Variants in KIF26B observed in about 807,000 individuals in gnomAD.
KIF26B encodes the protein kinesin family member 26B, also known as kinesin-like protein KIF26B.
In KIF26B, 63 loss-of-function variants were observed where a neutral mutation model predicts 151.2. That is an observed-to-expected ratio of 0.42 (90% CI 0.34 to 0.51). The LOEUF is 0.51. Ranked by LOEUF, KIF26B falls within the 20% of genes least tolerant of loss-of-function variation. KIF26B has a pLI of 0.07. For synonymous variants in KIF26B, 1,357 were observed against 1,262.1 expected, an observed-to-expected ratio of 1.08 and a Z score of -1.59; for missense variants, 2,813 against 2,913.6, an observed-to-expected ratio of 0.97 and a Z score of 0.79.
At position 245,239,237 on chromosome 1, in the gene KIF26B, T is replaced by C. The variant is rs1166801926; in HGVS notation, c.465+82554T>C. The stretch of plus-strand genomic sequence containing the variant: ...CATGTTCTTCCGTCATCCGTGCAGA[T>C]ATCAGGCTGCAGTCCCGCAGAAAAT... On this transcript the variant is annotated intron_variant, in intron 2 of 14. Transcript: ENST00000407071. This position sits in a 1 kb window ranked among gnomAD's most constrained non-coding sequence, Gnocchi z 4.3. Among the ~76,000 whole-genome samples, 1 of 152,156 alleles carries C rather than the reference T, an allele frequency of 6.6e-6. No individual in the cohort carries two copies. The highest frequency in any genetic ancestry group is 1.5e-5 in the Non-Finnish European group (1 of 68,034).
intron 3 of KIF26B, among the ~76,000 whole-genome samples, chr1:245,386,172 C>T (rs188320499): frequency 2.0e-5 from 3 of 151,924 alleles, no homozygotes; most frequent in South Asian, 2.1e-4. Flanking sequence ...ACCTGGGAGG[C>T]GAAGGTTGCA....
chr1:245,663,760 G>A (rs148803519), intron 10 of KIF26B, among the ~76,000 whole-genome samples: 292 of 152,168 alleles, frequency 1.9e-3, no homozygotes, highest in African/African-American at 6.7e-3. Context: ...ACCAGGGTTC[G>A]CAATTCTCAG....
At chr1:245,570,779 A>G (rs917094612) in intron 5 of KIF26B, among the ~76,000 whole-genome samples, 3 of 152,240 alleles carry the variant, frequency 2.0e-5, no homozygotes, top group Non-Finnish European at 2.9e-5. Flanking sequence ...ATCATTAAAC[A>G]TAAGGTCGCA....
At chr1:245,233,910 G>A (rs868340321) in intron 2 of KIF26B, among the ~76,000 whole-genome samples, 55 of 152,118 alleles carry the variant, frequency 3.6e-4, no homozygotes, top group Middle Eastern at 3.4e-3. Context: ...GGCTGGGCGC[G>A]GTGGCTCACA....
intron 3 of KIF26B, among the ~76,000 whole-genome samples, chr1:245,386,314 T>G (rs1047775030): frequency 6.8e-6 from 1 of 146,496 alleles, no homozygotes; most frequent in Non-Finnish European, 1.5e-5. Context: ...TTAGCTGTAT[T>G]CAGCCTGCTG....
At chr1:245,541,162 T>C (rs1399184257) in intron 5 of KIF26B, among the ~76,000 whole-genome samples, 1 of 152,240 alleles carries the variant, frequency 6.6e-6, no homozygotes, top group African/African-American at 2.4e-5. Flanking sequence ...AGAGATCTGA[T>C]TTGCTTTTGG....
At chr1:245,513,346 G>A (rs1346166121) in intron 4 of KIF26B, among the ~76,000 whole-genome samples, 1 of 151,976 alleles carries the variant, frequency 6.6e-6, no homozygotes, top group East Asian at 1.9e-4. Flanking sequence ...GCAGCTGATT[G>A]ACATCGGGAA....
chr1:245,256,708 C>T (rs532028619), intron 2 of KIF26B, among the ~76,000 whole-genome samples: 6 of 152,166 alleles, frequency 3.9e-5, no homozygotes, highest in Non-Finnish European at 8.8e-5. Flanking sequence ...ATTACAGCCT[C>T]CTCCCCTTGG....
intron 4 of KIF26B, among the ~76,000 whole-genome samples, chr1:245,439,538 A>AT (rs1021584892): frequency 6.6e-6 from 1 of 152,044 alleles, no homozygotes; most frequent in Non-Finnish European, 1.5e-5. Flanking sequence ...CTCATTAACT[A>AT]TTTTTTCCCC....
chr1:245,423,018 G>A (rs1658529932), intron 4 of KIF26B, among the ~76,000 whole-genome samples: 1 of 148,196 alleles, frequency 6.7e-6, no homozygotes, highest in Non-Finnish European at 1.5e-5. Flanking sequence ...AGAATCACTT[G>A]AATTAGGAAG....
chr1:245,390,711 A>C (rs1224874909), intron 3 of KIF26B, among the ~76,000 whole-genome samples: 1 of 152,070 alleles, frequency 6.6e-6, no homozygotes, highest in East Asian at 1.9e-4. Flanking sequence ...GGTATTATGA[A>C]GACATTTTCT....
intron 12 of KIF26B, 111 bp downstream of exon 12, chr1:245,688,918 C>T: frequency 7.4e-7 from 1 of 1,342,990 alleles, no homozygotes; most frequent in Non-Finnish European, 9.8e-7. Flanking sequence ...CCAGGCCTGG[C>T]CTCTCCTTGC....
chr1:245,363,386 G>A (rs778080093), intron 2 of KIF26B, among the ~76,000 whole-genome samples: 1 of 152,062 alleles, frequency 6.6e-6, no homozygotes, highest in Non-Finnish European at 1.5e-5. Flanking sequence ...AGTAGAAACA[G>A]GGTTTCACCA....
chr1:245,165,697 A>G (rs1668604466), intron 2 of KIF26B, among the ~76,000 whole-genome samples: 1 of 152,182 alleles, frequency 6.6e-6, no homozygotes, highest in Admixed American at 6.5e-5. Flanking sequence ...ACCAGAAAAG[A>G]GGGATGAAAA....
intron 4 of KIF26B, among the ~76,000 whole-genome samples, chr1:245,425,949 C>G (rs1049568146): frequency 1.1e-4 from 16 of 152,096 alleles, no homozygotes; most frequent in Non-Finnish European, 2.1e-4. Context: ...TAGTTGACAG[C>G]CTTTCTACCA....
chr1:245,477,078 G>A (rs767204412), intron 4 of KIF26B, among the ~76,000 whole-genome samples: 1 of 151,754 alleles, frequency 6.6e-6, no homozygotes. Flanking sequence ...GCAAAATAAA[G>A]ACTTTAGCAG....
At chr1:245,195,055 G>A (rs145411304) in intron 2 of KIF26B, among the ~76,000 whole-genome samples, 61 of 152,220 alleles carry the variant, frequency 4.0e-4, no homozygotes, top group Non-Finnish European at 6.5e-4. Context: ...ACTTTTTATG[G>A]GCTCTACTAG....
intron 5 of KIF26B, among the ~76,000 whole-genome samples, chr1:245,553,801 C>T (rs1456071877): frequency 1.3e-5 from 2 of 152,098 alleles, no homozygotes; most frequent in Non-Finnish European, 2.9e-5. Context: ...ATGGAGGCAC[C>T]CGGGTGATTC....
chr1:245,688,714 G>A lies in KIF26B; in HGVS notation c.5731G>A (p.Ala1911Thr), dbSNP rs756627415. ...GCGGGACAGCGAGGCCACCGGCAGCGCGTCCTCGGCGCAGGACTCCACGAG... is the reference window on the plus strand; with the variant it reads ...GCGGGACAGCGAGGCCACCGGCAGCACGTCCTCGGCGCAGGACTCCACGAG... ...VMRDSEATGS[A>T]SSAQDSTSEN... The change falls in exon 12 of 15, where the codon GCG (alanine) becomes ACG (threonine). Residue 1911 changes from alanine (A) to threonine (T), a missense_variant. Ala to Thr is a moderately conservative substitution (Grantham distance 58, BLOSUM62 0). Transcript: ENST00000407071. 3 of 1,608,266 alleles carry A rather than the reference G, an allele frequency of 1.9e-6. No homozygotes were observed. The highest frequency in any genetic ancestry group is 1.7e-6 in the Non-Finnish European group (2 of 1,178,134).
Sources: allele counts gnomAD v4.1 joint callset (sites outside exome capture counted in the v4.1 genomes callset), GRCh38; gene constraint gnomAD v4.1.1; non-coding constraint Gnocchi (gnomAD v3.1); transcripts MANE v1.5; gene names NCBI Gene and HGNC (gene_info 2026-07-23, HGNC 2026-07-21).